Variants in ALK observed in about 807,000 individuals in gnomAD.
ALK encodes the protein ALK tyrosine kinase receptor.
In ALK, 74 loss-of-function variants were observed where a neutral mutation model predicts 163.1. That is an observed-to-expected ratio of 0.45 (90% CI 0.38 to 0.55). The LOEUF (loss-of-function observed/expected upper bound fraction) is 0.55, where lower values mean the gene tolerates loss of function less well. Ranked by LOEUF, ALK falls within the 20% of genes least tolerant of loss-of-function variation. ALK has a pLI of 0.00. For missense variants in ALK, 2,063 were observed against 2,105.3 expected (o/e 0.98, Z 0.39); for synonymous variants, 960 against 843.2 (o/e 1.14, Z -2.40).
intron 1 of ALK, among the ~76,000 whole-genome samples, chr2:29,868,127 G>A (rs1033140787): frequency 6.6e-6 from 1 of 152,240 alleles, no homozygotes; most frequent in South Asian, 2.1e-4. Flanking sequence ...AGGCTGTAGA[G>A]TTGGAGCTGG....
At chr2:29,663,398 C>A (rs969750719) in intron 3 of ALK, among the ~76,000 whole-genome samples, 1 of 152,116 alleles carries the variant, frequency 6.6e-6, no homozygotes, top group African/African-American at 2.4e-5. Flanking sequence ...AAAGAAAATT[C>A]TTGGTCCAGA....
At chr2:29,918,602 T>C (rs1372239528) in intron 1 of ALK, among the ~76,000 whole-genome samples, 2 of 152,178 alleles carry the variant, frequency 1.3e-5, no homozygotes, top group Non-Finnish European at 2.9e-5. Context: ...GAAATGTGCA[T>C]CCGCACTCTG....
At chr2:29,651,656 G>T (rs1334444361) in intron 3 of ALK, among the ~76,000 whole-genome samples, 1 of 152,126 alleles carries the variant, frequency 6.6e-6, no homozygotes, top group Non-Finnish European at 1.5e-5. Context: ...ACTCGAGGAG[G>T]CGTCAGCCAC....
At chr2:29,421,426 G>A (rs1284626460) in intron 4 of ALK, among the ~76,000 whole-genome samples, 3 of 151,442 alleles carry the variant, frequency 2.0e-5, no homozygotes, top group Non-Finnish European at 4.4e-5. Context: ...CACCTATCAC[G>A]TGTCAGGAAG....
intron 4 of ALK, among the ~76,000 whole-genome samples, chr2:29,475,884 G>A (rs1474783224): frequency 2.0e-5 from 3 of 148,488 alleles, no homozygotes; most frequent in South Asian, 2.1e-4. Context: ...GAGAGAGCAT[G>A]TCTATAAAAT....
intron 5 of ALK, among the ~76,000 whole-genome samples, chr2:29,341,203 T>C (rs1667781505): frequency 6.6e-6 from 1 of 152,244 alleles, no homozygotes; most frequent in Non-Finnish European, 1.5e-5. Flanking sequence ...TGTACAAAGC[T>C]GGCATTTGTT....
Position 29,193,288 on chromosome 2 carries a change from C to A in ALK, c.4799G>T (p.Gly1600Val). ...AATGGTATCCTCGTAATGACCAGCT[C>A]CAGGGGCAGTAGCGGCTTCTAAGGG... ...GLPLEAATAP[G>V]AGHYEDTILK... Residue 1600 changes from glycine to valine, a missense_variant, in exon 29 of 29, where the codon GGA becomes GTA. Coordinates refer to ENST00000389048, the MANE Select transcript of ALK (RefSeq NM_004304.5). 2.5e-6 allele frequency: 4 copies of A among 1,614,108 alleles called. No homozygotes were observed. The highest frequency in any genetic ancestry group is 3.4e-6 in the Non-Finnish European group (4 of 1,180,002).
chr2:29,256,271 G>T (rs988209552), intron 11 of ALK, among the ~76,000 whole-genome samples: 2 of 152,130 alleles, frequency 1.3e-5, no homozygotes, highest in Non-Finnish European at 2.9e-5. Flanking sequence ...TGGGGTGGGA[G>T]GCTGCACCTC....
At position 29,694,941 on chromosome 2, in the gene ALK, G is replaced by A. The variant is rs1321970113; in HGVS notation, c.861C>T (p.Ser287=). The A allele has an allele frequency of 1.2e-6, 2 of 1,614,160 alleles. No homozygotes were observed. The highest frequency in any genetic ancestry group is 1.1e-5 in the South Asian group (1 of 91,078). Residue 287 remains serine, a synonymous_variant, in exon 3 of 29, where the codon AGC becomes AGT. Coordinates refer to ENST00000389048, the MANE Select transcript of ALK (RefSeq NM_004304.5). ...CGGAGGGGATGCGGCGCCAGGACCA[G>A]CTCTGGTTCCTGAGGTCATGCAGTG... ...SPPLHDLRNQ[S]WSWRRIPSEE...
At chr2:29,250,724 C>G (rs929536458) in intron 12 of ALK, among the ~76,000 whole-genome samples, 6 of 152,210 alleles carry the variant, frequency 3.9e-5, no homozygotes, top group Non-Finnish European at 7.4e-5. Context: ...ATAAGAGCAT[C>G]AGCTTTCAGG....
chr2:29,541,338 T>C (rs1277276415), intron 3 of ALK, among the ~76,000 whole-genome samples: 1 of 152,216 alleles, frequency 6.6e-6, no homozygotes, highest in Non-Finnish European at 1.5e-5. Context: ...AGAGTCTTGC[T>C]CTGGAGTGCA....
rs753812162 is a variant in ALK at position 29,920,284 on chromosome 2, C to G, written c.376G>C (p.Val126Leu). The change falls in exon 1 of 29, where the codon GTG becomes CTG. Residue 126 changes from valine (V) to leucine (L), a missense_variant. Physicochemically the swap from Val to Leu is conservative, Grantham distance 32. Transcript: ENST00000389048. ...TTGCGCACGGAGCCGCCCTTCAGCA[C>G]CCTGGACAGCGTCCGGGCCTCTGCC... is the stretch of plus-strand genomic sequence containing the variant. The part of the protein sequence containing the change: ...APAEARTLSR[V>L]LKGGSVRKLR... 8.2e-6 allele frequency: 13 copies of G among 1,580,280 alleles called. No homozygotes were observed. Among genetic ancestry groups the G allele is most frequent in the Non-Finnish European group, 1.0e-5 (12 of 1,164,044 alleles).
chr2:29,498,821 T>G (rs1672096957), intron 4 of ALK, among the ~76,000 whole-genome samples: 1 of 152,210 alleles, frequency 6.6e-6, no homozygotes, highest in Non-Finnish European at 1.5e-5. Context: ...TTCATCGCAC[T>G]AGTGAGGAGA....
At chr2:29,775,107 T>C (rs569144032) in intron 1 of ALK, among the ~76,000 whole-genome samples, 1 of 152,332 alleles carries the variant, frequency 6.6e-6, no homozygotes, top group East Asian at 1.9e-4. Context: ...ATTCTTATTT[T>C]AATCATTGAA....
chr2:29,870,364 G>T (rs1666546051), intron 1 of ALK, among the ~76,000 whole-genome samples: 1 of 152,158 alleles, frequency 6.6e-6, no homozygotes, highest in South Asian at 2.1e-4. Context: ...AGGAGACAAA[G>T]TGTGAACGGG....
chr2:29,598,694 G>C (rs1039259702), intron 3 of ALK, among the ~76,000 whole-genome samples: 13 of 152,174 alleles, frequency 8.5e-5, no homozygotes, highest in African/African-American at 3.1e-4. Context: ...GATGGGCATA[G>C]AAAAAAGAAT....
intron 1 of ALK, among the ~76,000 whole-genome samples, chr2:29,891,247 T>A (rs1259476310): frequency 6.6e-6 from 1 of 152,196 alleles, no homozygotes; most frequent in Non-Finnish European, 1.5e-5. Flanking sequence ...GGGTAAAGGC[T>A]CATCTTCTTC....
intron 3 of ALK, among the ~76,000 whole-genome samples, chr2:29,547,859 AATAAACAT>A (rs1314179537): frequency 6.6e-6 from 1 of 152,266 alleles, no homozygotes; most frequent in Non-Finnish European, 1.5e-5. Context: ...AGGTTCAGCA[AATAAACAT>A]ATAGAACACC....
chr2:29,501,806 G>A (rs1035051364), intron 4 of ALK, among the ~76,000 whole-genome samples: 12 of 152,208 alleles, frequency 7.9e-5, no homozygotes, highest in Admixed American at 2.0e-4. Context: ...AACATTTCTC[G>A]TTTTGCAAAA....
Sources: allele counts gnomAD v4.1 joint callset (sites outside exome capture counted in the v4.1 genomes callset), GRCh38; gene constraint gnomAD v4.1.1; transcripts MANE v1.5; gene names NCBI Gene and HGNC (gene_info 2026-07-23, HGNC 2026-07-21).